Variants in OSMR observed in about 807,000 individuals in gnomAD.
The protein encoded by OSMR is oncostatin M receptor, also known as oncostatin-M-specific receptor subunit beta.
In OSMR, 81 loss-of-function variants were observed where a neutral mutation model predicts 99.9. The observed-to-expected ratio is 0.81, with a 90% CI of 0.68 to 0.97. The LOEUF (loss-of-function observed/expected upper bound fraction) is 0.97, where lower values mean the gene tolerates loss of function less well. Ranked by LOEUF, OSMR falls within the 50% of genes least tolerant of loss-of-function variation. The pLI is 0.00. For missense variants in OSMR, 1,099 were observed against 1,153.4 expected (o/e 0.95, Z 0.68); for synonymous variants, 406 against 410.4 (o/e 0.99, Z 0.13).
intron 1 of OSMR, chr5:38,942,450 TA>T (rs2112779481): frequency 8.8e-6 from 7 of 792,918 alleles, no homozygotes; most frequent in South Asian, 7.9e-5. Context: ...TATAAATATC[TA>T]ATTTTTTTTT....
intron 7 of OSMR, among the ~76,000 whole-genome samples, chr5:38,893,698 G>A (rs1206612634): frequency 6.6e-6 from 1 of 152,110 alleles, no homozygotes; most frequent in Non-Finnish European, 1.5e-5. Context: ...AACATACAAA[G>A]TGTTGGCATT....
At chr5:38,854,003 C>T (rs1261692639) in intron 1 of OSMR, among the ~76,000 whole-genome samples, 1 of 151,394 alleles carries the variant, frequency 6.6e-6, no homozygotes, top group Non-Finnish European at 1.5e-5. Flanking sequence ...GCAGAGGCCT[C>T]TTCAAAGGGG....
rs528773971 is a variant in OSMR, at chr5:38,918,175, C to T, written c.1362+553C>T. On this transcript the variant is annotated intron_variant, in intron 10 of 17. Transcript: ENST00000274276. ...TTCACCTTTAGTTTGGCACACTCCG[C>T]AAGAATCTCTGTGCACAGACGTGTG... Among the ~76,000 whole-genome samples, 31 of 151,838 alleles carry T rather than the reference C, an allele frequency of 2.0e-4. 1 individual carries two copies. In the South Asian group the frequency reaches 4.6e-3, roughly 22 times the overall value.
At chr5:38,937,662 T>C (rs980501531), downstream of OSMR, among the ~76,000 whole-genome samples, 1 of 152,168 alleles carries the variant, frequency 6.6e-6, no homozygotes, top group African/African-American at 2.4e-5. This position sits in a 1 kb window ranked among gnomAD's most constrained non-coding sequence, Gnocchi z 4.0. Flanking sequence ...CCTAAAAAAA[T>C]TCAGAGCTAT....
chr5:38,926,193 A>T, intron 15 of OSMR, among the ~76,000 whole-genome samples: 1 of 152,330 alleles, frequency 6.6e-6, no homozygotes, highest in Non-Finnish European at 1.5e-5. Context: ...AAATAGATTC[A>T]AAAGGCTTGC....
chr5:38,861,737 G>C (rs868371308), intron 1 of OSMR, among the ~76,000 whole-genome samples: 5 of 150,470 alleles, frequency 3.3e-5, no homozygotes, highest in African/African-American at 1.2e-4. Context: ...GGGGCTGGCC[G>C]GGCAGGGGAC....
chr5:38,854,088 G>A (rs887977797), intron 1 of OSMR, among the ~76,000 whole-genome samples: 2 of 150,672 alleles, frequency 1.3e-5, no homozygotes, highest in African/African-American at 2.4e-5. Context: ...TGCAGAACCC[G>A]CAAGAAGTAG....
intron 1 of OSMR, among the ~76,000 whole-genome samples, chr5:38,861,447 C>T (rs894550771): frequency 2.0e-5 from 3 of 152,160 alleles, no homozygotes; most frequent in African/African-American, 7.2e-5. Context: ...GGTAAGGTCA[C>T]CGATCAACAG....
chr5:38,848,941 T>G (rs1029479632), intron 1 of OSMR, among the ~76,000 whole-genome samples: 2 of 152,078 alleles, frequency 1.3e-5, no homozygotes, highest in Non-Finnish European at 2.9e-5. Flanking sequence ...ACCTGACTTT[T>G]TTTTTTTTGT....
At chr5:38,884,280 A>G (rs1372843964) in intron 5 of OSMR, among the ~76,000 whole-genome samples, 169 bp downstream of exon 5, 3 of 152,190 alleles carry the variant, frequency 2.0e-5, no homozygotes, top group Admixed American at 2.0e-4. Flanking sequence ...TAATATTTCC[A>G]GGATTTCCTG....
intron 5 of OSMR, among the ~76,000 whole-genome samples, chr5:38,884,797 C>T (rs1264927856): frequency 2.0e-5 from 3 of 152,098 alleles, no homozygotes; most frequent in Non-Finnish European, 2.9e-5. Context: ...CATCTCCTTC[C>T]CTTGCACAGT....
intron 1 of OSMR, among the ~76,000 whole-genome samples, chr5:38,851,737 C>G (rs1022761206): frequency 6.6e-6 from 1 of 152,082 alleles, no homozygotes; most frequent in Non-Finnish European, 1.5e-5. Context: ...TGGCTGTGTC[C>G]CCACCCAAAT....
At chr5:38,886,830 T>A (rs1743811572) in intron 7 of OSMR, among the ~76,000 whole-genome samples, 1 of 152,178 alleles carries the variant, frequency 6.6e-6, no homozygotes, top group Admixed American at 6.5e-5. Flanking sequence ...CTAGTACACA[T>A]CTACAATTGT....
intron 15 of OSMR, among the ~76,000 whole-genome samples, chr5:38,926,284 C>T (rs1010517536): frequency 3.3e-5 from 5 of 152,214 alleles, no homozygotes; most frequent in Non-Finnish European, 7.3e-5. Context: ...TGTTGGACTG[C>T]TGACCCTGGA....
At chr5:38,847,031 GCT>G (rs1377406140) in intron 1 of OSMR, among the ~76,000 whole-genome samples, 7 of 152,208 alleles carry the variant, frequency 4.6e-5, no homozygotes, top group Non-Finnish European at 1.0e-4. Context: ...TGATGGAGTG[GCT>G]TGGTAACAGA....
intron 1 of OSMR, among the ~76,000 whole-genome samples, chr5:38,862,071 C>T (rs376036873): frequency 6.1e-5 from 6 of 97,852 alleles, no homozygotes; most frequent in Admixed American, 9.3e-5. Context: ...CCTCACCTCC[C>T]GGACGGGGCG....
chr5:38,857,858 G>C (rs1390581678), intron 1 of OSMR, among the ~76,000 whole-genome samples: 1 of 151,766 alleles, frequency 6.6e-6, no homozygotes, highest in Non-Finnish European at 1.5e-5. Context: ...AGTAGAGATG[G>C]GGTTTTACCA....
intron 9 of OSMR, among the ~76,000 whole-genome samples, chr5:38,908,042 C>T (rs919401273): frequency 2.7e-4 from 41 of 152,190 alleles, no homozygotes; most frequent in Non-Finnish European, 5.3e-4. Context: ...GCCCCACAAC[C>T]CCCCCAACAC....
In OSMR at chr5:38,925,186, C is replaced by A. The variant is rs573192231; in HGVS notation, c.2045-18C>A. ...ATCTTTTTTTTCCTTGAAAAAAAAA[C>A]CATTTAAAAAATCACAGATGGTTCA... On this transcript the variant is annotated intron_variant, in intron 14 of 17. Transcript: ENST00000274276. The A allele has an allele frequency of 6.3e-5, 101 of 1,605,402 alleles. No homozygotes were observed. The highest frequency in any genetic ancestry group is 1.5e-4 in the South Asian group (14 of 90,548).
Sources: allele counts gnomAD v4.1 joint callset (sites outside exome capture counted in the v4.1 genomes callset), GRCh38; gene constraint gnomAD v4.1.1; non-coding constraint Gnocchi (gnomAD v3.1); transcripts MANE v1.5; gene names NCBI Gene and HGNC (gene_info 2026-07-23, HGNC 2026-07-21).